The following KHDRBS2 variants were observed in gnomAD, a reference collection of about 807,000 sequenced individuals.
KHDRBS2 encodes KH RNA binding domain containing, signal transduction associated 2, also known as KH domain-containing, RNA-binding, signal transduction-associated protein 2.
Under a neutral mutation model 44.3 loss-of-function variants are expected in KHDRBS2, and 26 were observed. The ratio of observed to expected loss-of-function variants is 0.59; its 90% CI spans 0.43 to 0.81. The LOEUF is 0.81. Among genes scored for constraint, KHDRBS2 ranks in the 40% least tolerant of loss-of-function variants. The pLI is 0.00. For synonymous variants in KHDRBS2, 194 were observed against 151.1 expected (o/e 1.28, Z -2.08); for missense variants, 476 against 433.1 (o/e 1.10, Z -0.88).
intron 6 of KHDRBS2, among the ~76,000 whole-genome samples, chr6:61,828,849 G>A (rs1182818573): frequency 6.6e-6 from 1 of 151,840 alleles, no homozygotes; most frequent in Admixed American, 6.6e-5. Context: ...ATTTATCTTT[G>A]TATACATGAC....
At chr6:62,174,060 G>C (rs757854971) in intron 2 of KHDRBS2, among the ~76,000 whole-genome samples, 9 of 151,786 alleles carry the variant, frequency 5.9e-5, no homozygotes, top group Non-Finnish European at 1.0e-4. Flanking sequence ...TCTGGCCAGG[G>C]AAATCAGGCA....
intron 4 of KHDRBS2, among the ~76,000 whole-genome samples, chr6:61,936,987 A>AT (rs1811141099): frequency 6.6e-6 from 1 of 151,866 alleles, no homozygotes; most frequent in Non-Finnish European, 1.5e-5. Flanking sequence ...TAGTTTTGAA[A>AT]TTTTTTTATA....
intron 2 of KHDRBS2, among the ~76,000 whole-genome samples, chr6:62,116,215 C>T (rs1481079244): frequency 6.6e-6 from 1 of 152,076 alleles, no homozygotes; most frequent in African/African-American, 2.4e-5. Context: ...CATTTGAAAT[C>T]TATCCTCTTA....
chr6:62,047,738 G>T, intron 3 of KHDRBS2, 140 bp downstream of exon 3: 1 of 649,586 alleles, frequency 1.5e-6, no homozygotes. Flanking sequence ...GGAGATAGCA[G>T]AAAGTGACAC....
At chr6:61,954,851 C>CATATGTATGTATACATACAT (rs1562513872) in intron 4 of KHDRBS2, among the ~76,000 whole-genome samples, 1 of 39,244 alleles carries the variant, frequency 2.5e-5, no homozygotes, top group South Asian at 8.5e-4. Context: ...TATACATATG[C>CATATGTATGTATACATACAT]ATGTGTATAT....
chr6:61,663,169 G>T, the KHDRBS2 span, among the ~76,000 whole-genome samples: 1 of 144,194 alleles, frequency 6.9e-6, no homozygotes, highest in African/African-American at 2.6e-5. Context: ...CAAACGCCGC[G>T]TGTTCTCACT....
At chr6:61,926,699 G>T (rs1809037594) in intron 4 of KHDRBS2, among the ~76,000 whole-genome samples, 1 of 152,140 alleles carries the variant, frequency 6.6e-6, no homozygotes, top group Non-Finnish European at 1.5e-5. Context: ...GTATCAAGTA[G>T]CACTGGGTTA....
At chr6:61,772,431 A>C (rs1459895103) in intron 6 of KHDRBS2, among the ~76,000 whole-genome samples, 1 of 152,188 alleles carries the variant, frequency 6.6e-6, no homozygotes. Context: ...AGCAAGACCA[A>C]TAAAGAAGAA....
At chr6:62,024,276 G>T (rs1031792943) in intron 3 of KHDRBS2, among the ~76,000 whole-genome samples, 1 of 151,298 alleles carries the variant, frequency 6.6e-6, no homozygotes, top group African/African-American at 2.4e-5. Flanking sequence ...GAGATAAAAA[G>T]AATGAGAATG....
At chr6:61,645,973 CT>C in the KHDRBS2 span, among the ~76,000 whole-genome samples, 2 of 152,244 alleles carry the variant, frequency 1.3e-5, no homozygotes, top group East Asian at 3.9e-4. Context: ...GTTTCCTGTG[CT>C]TGTATCCATC....
chr6:62,030,430 A>G (rs1033572302), intron 3 of KHDRBS2, among the ~76,000 whole-genome samples: 1 of 152,060 alleles, frequency 6.6e-6, no homozygotes, highest in African/African-American at 2.4e-5. Flanking sequence ...GTCTAAATTG[A>G]TGCAGATGGC....
At chr6:61,923,934 C>T (rs1808506412) in intron 4 of KHDRBS2, among the ~76,000 whole-genome samples, 1 of 151,804 alleles carries the variant, frequency 6.6e-6, no homozygotes, top group Admixed American at 6.6e-5. Flanking sequence ...AAATAGAAGC[C>T]ATTAGTAAAT....
the KHDRBS2 span, among the ~76,000 whole-genome samples, chr6:61,597,525 T>C: frequency 6.6e-6 from 1 of 151,558 alleles, no homozygotes; most frequent in Non-Finnish European, 1.5e-5. Flanking sequence ...AGAACTCTCA[T>C]ATTTGTTCTT....
chr6:62,067,109 G>T (rs1391295064), intron 2 of KHDRBS2, among the ~76,000 whole-genome samples: 1 of 151,422 alleles, frequency 6.6e-6, no homozygotes, highest in Non-Finnish European at 1.5e-5. Flanking sequence ...CAATTAGATA[G>T]AGAATTGGGG....
Position 62,158,227 on chromosome 6 carries a change from G to C in KHDRBS2, c.219+18958C>G, listed in dbSNP as rs185096492. On this transcript the variant is annotated intron_variant, in intron 2 of 8. Coordinates refer to ENST00000281156, the MANE Select transcript of KHDRBS2 (RefSeq NM_152688.4). ...ACACATAGAATCTGGCACAGAGTAG[G>C]TGATCCCTCCAAAAAGACTGTCATT... Among the ~76,000 whole-genome samples the C allele has an allele frequency of 3.7e-4, 57 of 152,212 alleles. No homozygotes were observed. In the East Asian group the frequency reaches 9.9e-3, roughly 26 times the overall value.
At chr6:61,870,086 C>T (rs1487282494) in intron 6 of KHDRBS2, among the ~76,000 whole-genome samples, 1 of 151,490 alleles carries the variant, frequency 6.6e-6, no homozygotes, top group East Asian at 2.0e-4. Flanking sequence ...TGGTCTGGCT[C>T]AGTGGTTCTC....
At chr6:61,674,961 G>A (rs1200411644), downstream of KHDRBS2, among the ~76,000 whole-genome samples, 1 of 151,724 alleles carries the variant, frequency 6.6e-6, no homozygotes, top group African/African-American at 2.4e-5. Flanking sequence ...AATCTAATAT[G>A]TTCGTATAAT....
In KHDRBS2 at chr6:61,786,657, C is replaced by T. The variant is rs115470148; in HGVS notation, c.811-53893G>A. ...ATTAGGTGGGATCAGGCAGATTTTA[C>T]GACCTAATAATTCTATATTGGTGGG... On this transcript the variant is annotated intron_variant, in intron 6 of 8. Coordinates refer to ENST00000281156, the MANE Select transcript of KHDRBS2 (RefSeq NM_152688.4). Among the ~76,000 whole-genome samples, 1,435 of 151,992 alleles carry T rather than the reference C, an allele frequency of 9.4e-3. 4 individuals are homozygous for T. The highest frequency in any genetic ancestry group is 0.024 in the Middle Eastern group (7 of 294).
At chr6:61,846,681 A>G (rs577028179) in intron 6 of KHDRBS2, among the ~76,000 whole-genome samples, 41 of 152,270 alleles carry the variant, frequency 2.7e-4, no homozygotes, top group African/African-American at 9.4e-4. Flanking sequence ...TCAAAATAGC[A>G]GACTTTCCTT....
Sources: allele counts gnomAD v4.1 joint callset (sites outside exome capture counted in the v4.1 genomes callset), GRCh38; gene constraint gnomAD v4.1.1; transcripts MANE v1.5; gene names NCBI Gene and HGNC (gene_info 2026-07-23, HGNC 2026-07-21).